CDYL: variants seen among roughly 807,000 people sequenced by gnomAD.
The protein encoded by CDYL is chromodomain Y-like protein.
A neutral mutation model predicts 47.3 loss-of-function variants in CDYL; 8 were observed. The ratio of observed to expected loss-of-function variants is 0.17; its 90% CI spans 0.10 to 0.31. CDYL has a LOEUF of 0.31. CDYL is among the 10% of genes least tolerant of loss of function. CDYL has a pLI of 1.00. For synonymous variants in CDYL, 266 were observed against 265.0 expected (o/e 1.00, Z -0.04); for missense variants, 471 against 701.4 (o/e 0.67, Z 3.71).
At chr6:4,766,812 TG>T (rs1758258353) in intron 3 of CDYL, among the ~76,000 whole-genome samples, 1 of 151,840 alleles carries the variant, frequency 6.6e-6, no homozygotes, top group South Asian at 2.1e-4. Flanking sequence ...GAGACCAGCC[TG>T]GGCAATCTGG....
intron 1 of CDYL, among the ~76,000 whole-genome samples, chr6:4,784,921 C>CT (rs1473402398): frequency 0.039 from 5,873 of 152,222 alleles, 384 homozygotes; most frequent in African/African-American, 0.13. Context: ...AGCTCTCTTG[C>CT]CTGCCACCAT....
At chr6:4,712,360 T>C (rs1383756292) in intron 1 of CDYL, among the ~76,000 whole-genome samples, 2 of 152,208 alleles carry the variant, frequency 1.3e-5, no homozygotes, top group Admixed American at 1.3e-4. Flanking sequence ...CTGGATTTCT[T>C]CCTGGGCAAG....
intron 2 of CDYL, among the ~76,000 whole-genome samples, chr6:4,730,366 G>T (rs1172964759): frequency 6.6e-6 from 1 of 152,122 alleles, no homozygotes; most frequent in South Asian, 2.1e-4. Context: ...TACAGAAGCA[G>T]AGTGAAGAGT....
At position 4,935,766 on chromosome 6, in the gene CDYL, C is replaced by T; in HGVS notation, c.943C>T (p.Pro315Ser). 6.2e-7 allele frequency: 1 copy of T among 1,614,104 alleles called. No individual in the cohort carries two copies. The highest frequency in any genetic ancestry group is 8.5e-7 in the Non-Finnish European group (1 of 1,179,904). ...GTCCTCAGAGAATAACTCACTAAAT[C>T]CAGAGGTGAGAGGCGCTCTTGGGCT... ...TKSSENNSLN[P>S]EVMREVQSAL... Residue 315 changes from proline to serine, a missense_variant, in exon 3 of 7, where the codon CCA becomes TCA. By Grantham distance (74) the Pro-to-Ser change is moderately conservative. Around this residue, in one of 3 missense-constraint regions of CDYL, gnomAD observed 103 missense variants for 277.1 expected, o/e 0.37. Coordinates refer to ENST00000397588, the MANE Select transcript of CDYL (RefSeq NM_004824.4).
At chr6:4,790,377 G>A (rs530604192) in intron 1 of CDYL, among the ~76,000 whole-genome samples, 2 of 152,262 alleles carry the variant, frequency 1.3e-5, no homozygotes, top group East Asian at 1.9e-4. Context: ...CTGTGGTTTT[G>A]GGTTTGCTTG....
chr6:4,852,746 TTTTG>T (rs1318112214), intron 1 of CDYL, among the ~76,000 whole-genome samples: 1 of 152,168 alleles, frequency 6.6e-6, no homozygotes, highest in African/African-American at 2.4e-5. Context: ...AATACATTAT[TTTTG>T]TTTGAGTTGT....
intron 1 of CDYL, among the ~76,000 whole-genome samples, chr6:4,809,269 A>G (rs973970561): frequency 6.6e-6 from 1 of 152,210 alleles, no homozygotes; most frequent in African/African-American, 2.4e-5. Context: ...GCTCTTAAAG[A>G]TCATCTTCAT....
chr6:4,917,839 G>C (rs1197959524), intron 2 of CDYL, among the ~76,000 whole-genome samples: 1 of 152,160 alleles, frequency 6.6e-6, no homozygotes, highest in Non-Finnish European at 1.5e-5. Context: ...TTCCAAATGA[G>C]GTGTCTGAAG....
At chr6:4,723,715 G>T (rs1442964347) in intron 2 of CDYL, among the ~76,000 whole-genome samples, 1 of 152,180 alleles carries the variant, frequency 6.6e-6, no homozygotes, top group African/African-American at 2.4e-5. Flanking sequence ...CCAAGCCACA[G>T]AGCAGGGCAG....
chr6:4,902,236 T>TAAA (rs60097630), intron 2 of CDYL, among the ~76,000 whole-genome samples: 1 of 141,420 alleles, frequency 7.1e-6, no homozygotes, highest in Non-Finnish European at 1.6e-5. Context: ...CTGTCTCTAC[T>TAAA]AAAAAAAAAA....
chr6:4,712,465 C>T (rs749949713), intron 1 of CDYL, among the ~76,000 whole-genome samples: 1 of 152,196 alleles, frequency 6.6e-6, no homozygotes, highest in Non-Finnish European at 1.5e-5. Flanking sequence ...AGGTGGCCGC[C>T]GTTCCCACCG....
chr6:4,710,644 A>G (rs6597089), intron 1 of CDYL, among the ~76,000 whole-genome samples: 152,196 of 152,278 alleles, frequency 1, 76,058 homozygotes, highest in Non-Finnish European at 1. Context: ...CTTCCAACAG[A>G]TGCCTCTGCT....
chr6:4,711,389 T>G (rs537126807), intron 1 of CDYL, among the ~76,000 whole-genome samples: 1 of 152,154 alleles, frequency 6.6e-6, no homozygotes, highest in African/African-American at 2.4e-5. Flanking sequence ...CAGCCATCTG[T>G]TTTCCTCATT....
At chr6:4,787,675 C>A (rs980146310) in intron 1 of CDYL, among the ~76,000 whole-genome samples, 2 of 152,034 alleles carry the variant, frequency 1.3e-5, no homozygotes, top group Non-Finnish European at 2.9e-5. Flanking sequence ...GCAACGCTGC[C>A]CCCTCACCTT....
chr6:4,916,322 CTCTAGCCTTCTCTTAGGAGA>C (rs1306914251), intron 2 of CDYL, among the ~76,000 whole-genome samples: 1 of 152,194 alleles, frequency 6.6e-6, no homozygotes, highest in Non-Finnish European at 1.5e-5. Flanking sequence ...AACTGCATAC[CTCTAGCCTTCTCTTAGGAGA>C]TGACGCTACA....
intron 1 of CDYL, among the ~76,000 whole-genome samples, chr6:4,827,059 G>A (rs181467893): frequency 7.9e-5 from 12 of 152,106 alleles, no homozygotes; most frequent in Middle Eastern, 3.4e-3. Context: ...ACCATCTTTT[G>A]TGTCTTGTTA....
At chr6:4,737,609 A>G (rs1375121434) in intron 3 of CDYL, among the ~76,000 whole-genome samples, 1 of 151,784 alleles carries the variant, frequency 6.6e-6, no homozygotes, top group Non-Finnish European at 1.5e-5. Context: ...ATCATGTTGC[A>G]AAACTCCGTC....
chr6:4,742,383 A>G (rs1241714152), intron 3 of CDYL, among the ~76,000 whole-genome samples: 1 of 150,610 alleles, frequency 6.6e-6, no homozygotes, highest in Non-Finnish European at 1.5e-5. Flanking sequence ...AAAAAAAAAG[A>G]AAAGAAAAAG....
At chr6:4,920,495 G>A (rs919855880) in intron 2 of CDYL, among the ~76,000 whole-genome samples, 3 of 152,344 alleles carry the variant, frequency 2.0e-5, no homozygotes, top group Non-Finnish European at 4.4e-5. Context: ...GCCTCCGGCG[G>A]GTCATGCAAA....
Sources: allele counts gnomAD v4.1 joint callset (sites outside exome capture counted in the v4.1 genomes callset), GRCh38; gene constraint gnomAD v4.1.1; regional missense constraint gnomAD v4.1.1; transcripts MANE v1.5; gene names NCBI Gene and HGNC (gene_info 2026-07-23, HGNC 2026-07-21).